Variants in LRRTM3 observed in about 807,000 individuals in gnomAD.
LRRTM3 encodes leucine-rich repeat transmembrane neuronal protein 3.
LRRTM3 carries 24 observed loss-of-function variants against 44.7 expected under a neutral mutation model. The ratio of observed to expected loss-of-function variants is 0.54; its 90% CI spans 0.39 to 0.76. The LOEUF is 0.76. LRRTM3 is among the 30% of genes least tolerant of loss of function. LRRTM3 has a pLI of 0.00. For synonymous variants in LRRTM3, 277 were observed against 278.7 expected (o/e 0.99, Z 0.06); for missense variants, 587 against 702.2 (o/e 0.84, Z 1.85).
intron 2 of LRRTM3, among the ~76,000 whole-genome samples, chr10:67,032,150 C>T (rs1370070939): frequency 2.6e-5 from 4 of 152,066 alleles, no homozygotes; most frequent in Non-Finnish European, 5.9e-5. Context: ...GAACCTGAGG[C>T]CTAGAAAAAA....
intron 2 of LRRTM3, among the ~76,000 whole-genome samples, chr10:66,947,619 C>T (rs867106074): frequency 2.0e-5 from 3 of 152,242 alleles, no homozygotes; most frequent in South Asian, 4.1e-4. Flanking sequence ...GTTTCTAGGA[C>T]TTCATAATTT....
intron 2 of LRRTM3, among the ~76,000 whole-genome samples, chr10:66,951,331 G>T (rs1443803435): frequency 1.3e-5 from 2 of 152,046 alleles, no homozygotes; most frequent in East Asian, 1.9e-4. Context: ...GGCCAGGCTG[G>T]TCTCAAACTC....
intron 2 of LRRTM3, among the ~76,000 whole-genome samples, chr10:67,021,560 G>C (rs892138064): frequency 9.9e-5 from 15 of 151,908 alleles, no homozygotes; most frequent in Non-Finnish European, 2.1e-4. Context: ...TTGCTATGTA[G>C]CTATCAAAAT....
intron 2 of LRRTM3, among the ~76,000 whole-genome samples, chr10:66,950,360 C>T (rs983157529): frequency 6.6e-6 from 1 of 150,952 alleles, no homozygotes; most frequent in African/African-American, 2.5e-5. Flanking sequence ...AAAAATCTTA[C>T]ATTTTTTTTG....
intron 2 of LRRTM3, among the ~76,000 whole-genome samples, chr10:67,002,429 A>C (rs2132991989): frequency 6.6e-6 from 1 of 152,272 alleles, no homozygotes; most frequent in Middle Eastern, 3.4e-3. Flanking sequence ...ATGATAGGAA[A>C]AGTAATGCTT....
At chr10:67,032,369 T>C (rs1853782352) in intron 2 of LRRTM3, among the ~76,000 whole-genome samples, 1 of 152,158 alleles carries the variant, frequency 6.6e-6, no homozygotes, top group African/African-American at 2.4e-5. Flanking sequence ...TTTGCCTACT[T>C]TCCTCAATAG....
chr10:67,043,051 A>G (rs1854503163), intron 2 of LRRTM3, among the ~76,000 whole-genome samples: 1 of 152,128 alleles, frequency 6.6e-6, no homozygotes, highest in South Asian at 2.1e-4. Flanking sequence ...AGGAGGAAGC[A>G]AGTCAGGAAA....
chr10:67,091,838 A>C lies in LRRTM3; in HGVS notation c.1537-5749A>C, dbSNP rs186992857. On this transcript the variant is annotated intron_variant, in intron 2 of 2. Coordinates refer to ENST00000361320, the MANE Select transcript of LRRTM3 (RefSeq NM_178011.5). ...TCTAATAAGTATTCCCTAGAACAAA[A>C]TAGGGACCAAGGAAGAGGAACCAGT... 4.6e-5 allele frequency among the ~76,000 whole-genome samples: 7 copies of C among 152,194 alleles called. No individual in the cohort carries two copies. The East Asian group carries it at 1.2e-3, about 25-fold the overall frequency.
intron 2 of LRRTM3, among the ~76,000 whole-genome samples, chr10:66,952,916 T>C (rs1848608751): frequency 6.6e-6 from 1 of 152,038 alleles, no homozygotes; most frequent in Non-Finnish European, 1.5e-5. Flanking sequence ...CACAGTAGTG[T>C]TACAGCCGTT....
chr10:67,046,981 TAGAAAAGAA>T (rs1854793411), intron 2 of LRRTM3, among the ~76,000 whole-genome samples: 3 of 152,018 alleles, frequency 2.0e-5, no homozygotes, highest in Non-Finnish European at 4.4e-5. Context: ...GTACAGAGGG[TAGAAAAGAA>T]ATAGTCTAAT....
chr10:67,014,305 T>G, intron 2 of LRRTM3, among the ~76,000 whole-genome samples: 1 of 152,168 alleles, frequency 6.6e-6, no homozygotes, highest in Non-Finnish European at 1.5e-5. Flanking sequence ...ACAAAAATTG[T>G]AATTTATGTC....
chr10:67,022,688 A>G (rs1428666368), intron 2 of LRRTM3, among the ~76,000 whole-genome samples: 1 of 152,180 alleles, frequency 6.6e-6, no homozygotes, highest in Non-Finnish European at 1.5e-5. Context: ...CTTTAATCCC[A>G]GCATTTTGGG....
intron 2 of LRRTM3, among the ~76,000 whole-genome samples, chr10:67,056,113 T>C (rs1855412383): frequency 6.6e-6 from 1 of 152,002 alleles, no homozygotes; most frequent in South Asian, 2.1e-4. Context: ...TCTGAGAAAA[T>C]AAAAGGGTAG....
rs1269912399 is a variant in LRRTM3, at chr10:66,927,047, T to C, written c.131T>C (p.Met44Thr). 1 of 1,614,156 alleles carries C rather than the reference T, an allele frequency of 6.2e-7. No homozygotes were observed. The highest frequency in any genetic ancestry group is 1.7e-5 in the Admixed American group (1 of 60,016). The change falls in exon 2 of 3, where the codon ATG becomes ACG. Residue 44 changes from methionine (M) to threonine (T), a missense_variant. By Grantham distance (81) the Met-to-Thr change is moderately conservative. This residue lies in a region of LRRTM3 where 222 missense variants were observed against 323.3 expected (regional missense o/e 0.69). Transcript: ENST00000361320. This position sits in a 1 kb window ranked among gnomAD's most constrained non-coding sequence, Gnocchi z 4.7. ...AAGGGCTGTAGGTGTGAAGGCAAAA[T>C]GGTATATTGTGAATCTCAGAAATTA... is the stretch of plus-strand genomic sequence containing the variant. ...CPKGCRCEGKMVYCESQKLQE... is the reference protein window; with the variant it reads ...CPKGCRCEGKTVYCESQKLQE...
At chr10:67,035,800 A>C in intron 2 of LRRTM3, among the ~76,000 whole-genome samples, 1 of 152,258 alleles carries the variant, frequency 6.6e-6, no homozygotes, top group Middle Eastern at 3.4e-3. Flanking sequence ...TTTGCTTTAA[A>C]AAAAAATCCA....
chr10:66,971,737 A>G (rs991276109), intron 2 of LRRTM3, among the ~76,000 whole-genome samples: 2 of 152,182 alleles, frequency 1.3e-5, no homozygotes, highest in Non-Finnish European at 2.9e-5. Flanking sequence ...ATTCCTGGCA[A>G]TAGTGCCCAA....
At chr10:66,972,669 A>ATAG (rs1554889036) in intron 2 of LRRTM3, among the ~76,000 whole-genome samples, 1 of 149,204 alleles carries the variant, frequency 6.7e-6, no homozygotes, top group Non-Finnish European at 1.5e-5. Context: ...AAAGCTTTAT[A>ATAG]TAGATACAAT....
intron 2 of LRRTM3, among the ~76,000 whole-genome samples, chr10:67,089,754 G>GT (rs1409692016): frequency 7.4e-5 from 6 of 80,642 alleles, no homozygotes; most frequent in Non-Finnish European, 1.7e-4. Flanking sequence ...TGTGTGTGTG[G>GT]ACAGAAACAC....
At chr10:66,948,076 T>C (rs1170892402) in intron 2 of LRRTM3, among the ~76,000 whole-genome samples, 1 of 152,144 alleles carries the variant, frequency 6.6e-6, no homozygotes, top group Non-Finnish European at 1.5e-5. Context: ...ATAGAAAAGG[T>C]AGGATAAAAA....
Sources: gnomAD v4.1 joint callset for allele counts (sites outside exome capture counted in the v4.1 genomes callset) on GRCh38, gnomAD v4.1.1 for gene constraint, gnomAD v4.1.1 regional missense constraint, Gnocchi (gnomAD v3.1) non-coding constraint, MANE v1.5 for transcripts, NCBI Gene and HGNC (gene_info 2026-07-23, HGNC 2026-07-21) for gene names.